KCNN2: variants seen among roughly 807,000 people sequenced by gnomAD.
The protein encoded by KCNN2 is potassium calcium-activated channel subfamily N member 2.
In KCNN2, 24 loss-of-function variants were observed where a neutral mutation model predicts 55.5. The ratio of observed to expected loss-of-function variants is 0.43; its 90% CI spans 0.31 to 0.61. KCNN2 has a LOEUF of 0.61. Ranked by LOEUF, KCNN2 falls within the 20% of genes least tolerant of loss-of-function variation. The probability of loss-of-function intolerance (pLI) is 0.08; values close to 1 mark genes in which losing one functional copy is unlikely to be tolerated. For synonymous variants in KCNN2, 431 were observed against 336.1 expected (o/e 1.28, Z -3.09); for missense variants, 754 against 853.6 (o/e 0.88, Z 1.45).
At chr5:114,416,320 C>G (rs1334813347) in intron 3 of KCNN2, among the ~76,000 whole-genome samples, 4 of 152,124 alleles carry the variant, frequency 2.6e-5, no homozygotes, top group Admixed American at 2.0e-4. Context: ...TCTTCATGAC[C>G]AAAAGCAAAC....
intron 2 of KCNN2, among the ~76,000 whole-genome samples, chr5:114,282,915 A>G (rs186362235): frequency 1.3e-5 from 2 of 152,300 alleles, no homozygotes; most frequent in East Asian, 3.9e-4. Context: ...GGCTTCCAAA[A>G]TCACTGTCAA....
chr5:114,291,365 G>A (rs1480110769), intron 2 of KCNN2, among the ~76,000 whole-genome samples: 2 of 151,890 alleles, frequency 1.3e-5, no homozygotes, highest in Admixed American at 1.3e-4. Flanking sequence ...ACAGTCCCTG[G>A]AGTGCGATGT....
rs758200188 is a variant in KCNN2, at chr5:114,363,969, C to G, written c.1186C>G (p.Leu396Val). Reference sequence around the variant, plus strand: ...TCTCTCCACGATCATCCTGCTCGGTCTGATCATCGTGTACCACGCCAGGGA... The same window carrying G: ...TCTCTCCACGATCATCCTGCTCGGTGTGATCATCGTGTACCACGCCAGGGA... ...ISLSTIILLG[L>V]IIVYHAREIQ... Residue 396 changes from leucine (L) to valine (V), a missense_variant, in exon 2 of 8, where the codon CTG (leucine) becomes GTG (valine). By Grantham distance (32) the Leu-to-Val change is conservative. Coordinates refer to ENST00000673685, the MANE Select transcript of KCNN2 (RefSeq NM_021614.4). 1.9e-6 allele frequency: 3 copies of G among 1,613,870 alleles called. No homozygotes were observed.
At chr5:114,393,934 GTTTT>G (rs953916854) in intron 2 of KCNN2, among the ~76,000 whole-genome samples, 1 of 151,258 alleles carries the variant, frequency 6.6e-6, no homozygotes, top group South Asian at 2.1e-4. Flanking sequence ...ATTATTTCCA[GTTTT>G]TTGCTAATAT....
At chr5:114,159,721 T>G (rs1368355462) in intron 1 of KCNN2, among the ~76,000 whole-genome samples, 1 of 152,174 alleles carries the variant, frequency 6.6e-6, no homozygotes, top group Non-Finnish European at 1.5e-5. Context: ...TTCTTCCTGG[T>G]TTAGTCTTGG....
At chr5:114,156,033 A>AATC (rs768701787) in intron 1 of KCNN2, among the ~76,000 whole-genome samples, 10 of 152,134 alleles carry the variant, frequency 6.6e-5, no homozygotes, top group Admixed American at 2.0e-4. Flanking sequence ...TTAAGTCTTT[A>AATC]ATCTATCTTG....
At chr5:114,106,800 G>A (rs1319994569) in intron 1 of KCNN2, among the ~76,000 whole-genome samples, 1 of 151,824 alleles carries the variant, frequency 6.6e-6, no homozygotes, top group Non-Finnish European at 1.5e-5. Flanking sequence ...TCAGCTATAT[G>A]TATTGAAAAC....
chr5:114,419,346 A>G (rs1447744698), intron 3 of KCNN2, among the ~76,000 whole-genome samples: 2 of 152,254 alleles, frequency 1.3e-5, no homozygotes, highest in African/African-American at 2.4e-5. Context: ...TTTATTACCT[A>G]GCCTTATGCT....
intron 2 of KCNN2, among the ~76,000 whole-genome samples, chr5:114,255,208 C>T (rs947206198): frequency 6.6e-6 from 1 of 151,958 alleles, no homozygotes; most frequent in Non-Finnish European, 1.5e-5. Flanking sequence ...GTTTATCACC[C>T]GAGACAGAGA....
Position 114,291,051 on chromosome 5 carries a change from G to C in KCNN2, c.-185+69486G>C, listed in dbSNP as rs138965255. ...GTACACTTGTGTATGTATTCTGCTA[G>C]AATTGTGTTTTTGTGCATGAAATAA... On this transcript the variant is annotated intron_variant, in intron 2 of 10. Coordinates refer to the KCNN2 transcript ENST00000512097. 4.5e-4 allele frequency among the ~76,000 whole-genome samples: 69 copies of C among 152,142 alleles called. No homozygotes were observed. The East Asian group carries it at 0.011, about 25-fold the overall frequency.
At chr5:114,487,275 C>A in intron 6 of KCNN2, 98 bp downstream of exon 6, 1 of 1,099,392 alleles carries the variant, frequency 9.1e-7, no homozygotes, top group Non-Finnish European at 1.3e-6. Context: ...AAAAAGAAAA[C>A]ATTGTCATGT....
At chr5:114,279,779 T>C (rs562137438) in intron 2 of KCNN2, among the ~76,000 whole-genome samples, 1 of 151,212 alleles carries the variant, frequency 6.6e-6, no homozygotes, top group African/African-American at 2.4e-5. Context: ...TGTGTCTTTA[T>C]AGCAGCATGA....
intron 2 of KCNN2, among the ~76,000 whole-genome samples, chr5:114,299,526 C>G (rs1425025231): frequency 6.6e-6 from 1 of 152,168 alleles, no homozygotes; most frequent in Non-Finnish European, 1.5e-5. Flanking sequence ...TCTGCTCTTC[C>G]TTGGGATTCA....
chr5:114,232,936 T>G lies in KCNN2; in HGVS notation c.-185+11371T>G, dbSNP rs1003796543. ...TTATATTGTTTCTTGTTTTTTTTTT[T>G]TTGAGACGGAGTCTCGCTCTGTCGC... On this transcript the variant is annotated intron_variant, in intron 2 of 10. Transcript: ENST00000512097. Among the ~76,000 whole-genome samples the G allele has an allele frequency of 3.6e-5, 4 of 109,958 alleles. 1 individual carries two copies. The highest frequency in any genetic ancestry group is 9.7e-5 in the African/African-American group (3 of 30,926). 72.1% of individuals were successfully genotyped at this position (109,958 alleles called of 152,430 possible). A position where few individuals can be genotyped will look rare whatever the true frequency, so the allele number is the denominator to read the frequency against.
chr5:114,434,450 C>T (rs567732725), intron 3 of KCNN2, among the ~76,000 whole-genome samples: 2 of 152,218 alleles, frequency 1.3e-5, no homozygotes, highest in Admixed American at 1.3e-4. Flanking sequence ...TCTGATAACC[C>T]CAACATTCCT....
chr5:114,172,285 A>G (rs1753050201), intron 1 of KCNN2, among the ~76,000 whole-genome samples: 1 of 151,966 alleles, frequency 6.6e-6, no homozygotes, highest in Non-Finnish European at 1.5e-5. Flanking sequence ...AAATATTAAC[A>G]AAGAAGGTAG....
At chr5:114,363,631 G>T (rs1045500496) in intron 1 of KCNN2, among the ~76,000 whole-genome samples, 3 of 152,166 alleles carry the variant, frequency 2.0e-5, no homozygotes, top group Admixed American at 1.3e-4. Flanking sequence ...GGTTTTGCTA[G>T]CCTGGAACAG....
intron 3 of KCNN2, among the ~76,000 whole-genome samples, chr5:114,406,629 A>G (rs1397789955): frequency 1.3e-5 from 2 of 151,628 alleles, no homozygotes; most frequent in African/African-American, 4.9e-5. Context: ...ATTCTCTCAC[A>G]TTATATAAAT....
chr5:114,480,106 AATAG>A (rs753637360), intron 5 of KCNN2, among the ~76,000 whole-genome samples: 54 of 152,234 alleles, frequency 3.5e-4, no homozygotes, highest in African/African-American at 1.1e-3. Flanking sequence ...AATTAAAATA[AATAG>A]ATAGACCACT....
Sources: allele counts gnomAD v4.1 joint callset (sites outside exome capture counted in the v4.1 genomes callset), GRCh38; gene constraint gnomAD v4.1.1; transcripts MANE v1.5; gene names NCBI Gene and HGNC (gene_info 2026-07-23, HGNC 2026-07-21).